The following XPR1 variants were observed in gnomAD, a reference collection of about 807,000 sequenced individuals.
XPR1 encodes the protein xenotropic and polytropic retrovirus receptor 1, also known as solute carrier family 53 member 1.
A neutral mutation model predicts 87.5 loss-of-function variants in XPR1; 28 were observed. That is an observed-to-expected ratio of 0.32 (90% CI 0.24 to 0.44). The LOEUF is 0.44. XPR1 is among the 20% of genes least tolerant of loss of function. The pLI, the probability that XPR1 is intolerant of heterozygous loss-of-function variation, is 1.00. For missense variants in XPR1, 559 were observed against 862.3 expected, an observed-to-expected ratio of 0.65 and a Z score of 4.41; for synonymous variants, 300 against 306.1, an observed-to-expected ratio of 0.98 and a Z score of 0.21.
intron 2 of XPR1, among the ~76,000 whole-genome samples, chr1:180,778,851 C>T (rs1648831210): frequency 6.6e-6 from 1 of 152,164 alleles, no homozygotes; most frequent in Non-Finnish European, 1.5e-5. Flanking sequence ...TTTAATAAAA[C>T]AGAAACTAAT....
chr1:180,665,380 C>G (rs938874878), intron 1 of XPR1, among the ~76,000 whole-genome samples: 3 of 152,150 alleles, frequency 2.0e-5, no homozygotes, highest in Non-Finnish European at 4.4e-5. Flanking sequence ...CACAGCCAAA[C>G]CATATTACCT....
At chr1:180,716,655 A>G (rs982371648) in intron 2 of XPR1, among the ~76,000 whole-genome samples, 5 of 152,108 alleles carry the variant, frequency 3.3e-5, no homozygotes, top group African/African-American at 1.2e-4. Flanking sequence ...CAGGTTCTAA[A>G]CTTCACACCT....
chr1:180,634,130 A>G lies in XPR1; in HGVS notation c.69+1860A>G, dbSNP rs369461698. Among the ~76,000 whole-genome samples the G allele has an allele frequency of 2.0e-4, 30 of 152,352 alleles. No individual in the cohort carries two copies. In the East Asian group the frequency reaches 3.9e-3, roughly 20 times the overall value. On this transcript the variant is annotated intron_variant, in intron 1 of 14. Transcript: ENST00000367590. ...ATTGATTCTGGGACTCCTCATTCAC[A>G]TAGTCCACTTGGATACTGTTCCTAA...
chr1:180,721,380 T>G (rs939196071), intron 2 of XPR1, among the ~76,000 whole-genome samples: 1 of 152,204 alleles, frequency 6.6e-6, no homozygotes, highest in African/African-American at 2.4e-5. Context: ...AGTGTTAGAT[T>G]TGACAGACTG....
intron 3 of XPR1, among the ~76,000 whole-genome samples, chr1:180,794,912 C>A (rs1389951671): frequency 6.6e-6 from 1 of 152,138 alleles, no homozygotes; most frequent in Non-Finnish European, 1.5e-5. Flanking sequence ...TATTCACATA[C>A]AGATTTCAGA....
At chr1:180,741,539 G>A (rs778502904) in intron 2 of XPR1, among the ~76,000 whole-genome samples, 8 of 151,660 alleles carry the variant, frequency 5.3e-5, no homozygotes, top group Non-Finnish European at 1.2e-4. Context: ...CGGCTGGGGT[G>A]CAGTGGCACA....
rs1472472013 is a variant in XPR1 at position 180,866,811 on chromosome 1, A to T, written c.1668+2937A>T. Among the ~76,000 whole-genome samples, 705 of 141,116 alleles carry T rather than the reference A, an allele frequency of 5.0e-3. 5 individuals are homozygous for T. Among genetic ancestry groups the T allele is most frequent in the African/African-American group, 0.017 (650 of 37,540 alleles). 92.6% of individuals were successfully genotyped at this position (141,116 alleles called of 152,430 possible). On this transcript the variant is annotated intron_variant, in intron 12 of 14. Transcript: ENST00000367590. ...CATATTAGTTTATTTTTTTTTTTTA[A>T]TTTTTTTTTTTTTATTATACTCTAA...
intron 1 of XPR1, among the ~76,000 whole-genome samples, chr1:180,636,983 C>T (rs1384037343): frequency 5.3e-5 from 7 of 132,686 alleles, no homozygotes; most frequent in African/African-American, 8.6e-5. Flanking sequence ...ACCGGGGAGG[C>T]GGAGGTTGCA....
chr1:180,727,937 T>C (rs549918120), intron 2 of XPR1, among the ~76,000 whole-genome samples: 1 of 152,322 alleles, frequency 6.6e-6, no homozygotes, highest in South Asian at 2.1e-4. Flanking sequence ...GGTCGGCTTC[T>C]TTACTGCAAC....
At chr1:180,772,715 G>A (rs1231251871) in intron 2 of XPR1, among the ~76,000 whole-genome samples, 1 of 152,116 alleles carries the variant, frequency 6.6e-6, no homozygotes, top group Non-Finnish European at 1.5e-5. Context: ...CTGCACAACC[G>A]CTCTTTGCCT....
intron 9 of XPR1, among the ~76,000 whole-genome samples, chr1:180,831,757 T>C (rs1231544949): frequency 1.3e-5 from 2 of 152,122 alleles, no homozygotes; most frequent in African/African-American, 4.8e-5. Flanking sequence ...TAGTATTCCA[T>C]GGTGTATATG....
intron 2 of XPR1, among the ~76,000 whole-genome samples, chr1:180,782,023 C>G (rs1256077121): frequency 1.3e-5 from 2 of 152,044 alleles, no homozygotes; most frequent in African/African-American, 2.4e-5. Context: ...CTCTCTTTCT[C>G]TCTCTCTCAG....
chr1:180,873,077 C>T (rs1652556011), intron 12 of XPR1, among the ~76,000 whole-genome samples: 1 of 151,866 alleles, frequency 6.6e-6, no homozygotes, highest in South Asian at 2.1e-4. Flanking sequence ...AAAAATTTCA[C>T]ATTCATTAAA....
intron 2 of XPR1, among the ~76,000 whole-genome samples, chr1:180,699,582 T>C (rs1173559339): frequency 2.5e-5 from 2 of 79,834 alleles, no homozygotes; most frequent in East Asian, 6.8e-4. Flanking sequence ...CCATGGTGTA[T>C]ATGTGCCACA....
intron 9 of XPR1, among the ~76,000 whole-genome samples, chr1:180,831,407 T>A (rs539625554): frequency 7.3e-5 from 11 of 150,704 alleles, no homozygotes; most frequent in East Asian, 5.8e-4. Flanking sequence ...TTTCTTTTTT[T>A]TATATATACT....
rs117831112 is a variant in XPR1, at chr1:180,775,063, C to G, written c.122-12690C>G. ...GTCACTAATCCCATTCACCTAAACA[C>G]CTCTTAAAGCCCCACCTCTAAATAC... On this transcript the variant is annotated intron_variant, in intron 2 of 14. Transcript: ENST00000367590. Among the ~76,000 whole-genome samples, 104 of 152,302 alleles carry G rather than the reference C, an allele frequency of 6.8e-4. 1 individual carries two copies. The East Asian group carries it at 0.017, about 24-fold the overall frequency.
intron 1 of XPR1, among the ~76,000 whole-genome samples, chr1:180,635,053 GATA>G (rs1283832683): frequency 2.0e-5 from 3 of 151,966 alleles, no homozygotes; most frequent in African/African-American, 4.8e-5. Flanking sequence ...AATTATTAAT[GATA>G]ATAACCCATC....
At position 180,766,214 on chromosome 1, in the gene XPR1, A is replaced by G. The variant is rs78437829; in HGVS notation, c.122-21539A>G. On this transcript the variant is annotated intron_variant, in intron 2 of 14. Transcript: ENST00000367590. The stretch of plus-strand genomic sequence containing the variant: ...CTAATGCTATGAGACCAATGAGGCA[A>G]TAATGTGCACATTTCCAAAAAAATG... Among the ~76,000 whole-genome samples the G allele has an allele frequency of 5.0e-3, 766 of 152,292 alleles. 6 individuals are homozygous for G. The highest frequency in any genetic ancestry group is 0.014 in the African/African-American group (573 of 41,574).
intron 14 of XPR1, 123 bp downstream of exon 14, chr1:180,880,420 C>T (rs1652813999): frequency 1.9e-6 from 2 of 1,053,946 alleles, no homozygotes; most frequent in East Asian, 5.1e-5. Context: ...CATTTTTCAC[C>T]TACAAAAAAA....
Sources: allele counts gnomAD v4.1 joint callset (sites outside exome capture counted in the v4.1 genomes callset), GRCh38; gene constraint gnomAD v4.1.1; transcripts MANE v1.5; gene names NCBI Gene and HGNC (gene_info 2026-07-23, HGNC 2026-07-21).